The following ACSM3 variants were observed in gnomAD, a reference collection of about 807,000 sequenced individuals.
The protein encoded by ACSM3 is acyl-coenzyme A synthetase ACSM3, mitochondrial.
A neutral mutation model predicts 74.1 loss-of-function variants in ACSM3; 61 were observed. The observed-to-expected ratio is 0.82, with a 90% CI of 0.67 to 1.02. The LOEUF is 1.02. ACSM3 is among the 50% of genes least tolerant of loss of function. The pLI, the probability that ACSM3 is intolerant of heterozygous loss-of-function variation, is 0.00. For synonymous variants in ACSM3, 213 were observed against 241.5 expected (o/e 0.88, Z 1.09); for missense variants, 660 against 697.0 (o/e 0.95, Z 0.60).
intron 1 of ACSM3, among the ~76,000 whole-genome samples, chr16:20,695,596 A>G (rs2079685384): frequency 6.6e-6 from 1 of 152,026 alleles, no homozygotes. Flanking sequence ...TTATCTATCT[A>G]TCATCTATTT....
At chr16:20,741,611 T>C (rs1222340806) in intron 1 of ACSM3, 4 of 1,573,264 alleles carry the variant, frequency 2.5e-6, no homozygotes, top group South Asian at 2.3e-5. Flanking sequence ...GGATGCCCTG[T>C]AGCCCGGGCT....
At chr16:20,780,672 T>C in intron 4 of ACSM3, 42 bp from the exon 5 acceptor site, 1 of 1,614,208 alleles carries the variant, frequency 6.2e-7, no homozygotes, top group Non-Finnish European at 8.5e-7. Flanking sequence ...CAGTCTGTGA[T>C]GCTGTGTTTA....
intron 2 of ACSM3, among the ~76,000 whole-genome samples, chr16:20,774,952 A>G (rs1303020082): frequency 6.6e-6 from 1 of 152,208 alleles, no homozygotes; most frequent in Non-Finnish European, 1.5e-5. Context: ...TGTTCATGGC[A>G]GCAGGCTCAG....
chr16:20,741,791 T>C, intron 1 of ACSM3: 2 of 1,547,530 alleles, frequency 1.3e-6, no homozygotes, highest in Non-Finnish European at 1.7e-6. Context: ...GCTGTTGGCG[T>C]CCTCGTCTAT....
intron 1 of ACSM3, chr16:20,718,435 C>A: frequency 1.6e-6 from 1 of 630,564 alleles, no homozygotes. Context: ...GACAGGCTCT[C>A]CTAAGATGGC....
chr16:20,725,109 T>C (rs2079800151), intron 1 of ACSM3, among the ~76,000 whole-genome samples: 1 of 152,172 alleles, frequency 6.6e-6, no homozygotes, highest in Non-Finnish European at 1.5e-5. Flanking sequence ...GCTGCAGGCA[T>C]CACGCTACCT....
At chr16:20,743,958 A>C (rs1185647658) in intron 1 of ACSM3, 1 of 152,250 alleles carries the variant, frequency 6.6e-6, no homozygotes, top group Non-Finnish European at 1.5e-5. Flanking sequence ...TGAAAAACAA[A>C]AACTCAGTTT....
At chr16:20,754,646 C>G (rs1428105246) in intron 2 of ACSM3, among the ~76,000 whole-genome samples, 1 of 152,196 alleles carries the variant, frequency 6.6e-6, no homozygotes, top group Non-Finnish European at 1.5e-5. Flanking sequence ...ATTCATGGAT[C>G]AGTTTGCTCA....
At chr16:20,719,786 G>C (rs972373111) in intron 1 of ACSM3, among the ~76,000 whole-genome samples, 1 of 152,130 alleles carries the variant, frequency 6.6e-6, no homozygotes, top group African/African-American at 2.4e-5. Flanking sequence ...TTAAAAGTGC[G>C]GGCACCTTTG....
chr16:20,717,238 G>T (rs1428971933), intron 1 of ACSM3, among the ~76,000 whole-genome samples: 1 of 152,138 alleles, frequency 6.6e-6, no homozygotes, highest in Non-Finnish European at 1.5e-5. Flanking sequence ...TCAGAACAAA[G>T]AAATATTTCC....
chr16:20,796,283 T>A, intron 12 of ACSM3, 87 bp from the exon 13 acceptor site: 6 of 1,545,336 alleles, frequency 3.9e-6, no homozygotes, highest in Non-Finnish European at 5.2e-6. Context: ...CCACCAGGCA[T>A]GTAGATTCTC....
chr16:20,754,589 G>A (rs570866342), intron 2 of ACSM3, among the ~76,000 whole-genome samples: 1 of 152,222 alleles, frequency 6.6e-6, no homozygotes, highest in Non-Finnish European at 1.5e-5. Flanking sequence ...CCCTCCCTTT[G>A]TGCCCTGCAA....
intron 1 of ACSM3, among the ~76,000 whole-genome samples, chr16:20,747,447 T>A (rs1225851439): frequency 2.6e-5 from 4 of 152,184 alleles, no homozygotes; most frequent in African/African-American, 9.7e-5. Flanking sequence ...ACCATCAAAC[T>A]GGCCAACCCC....
intron 1 of ACSM3, chr16:20,741,740 G>A: frequency 1.3e-6 from 2 of 1,566,842 alleles, no homozygotes; most frequent in Non-Finnish European, 1.7e-6. Context: ...GGGCCGCCAT[G>A]GTGTGCGCAA....
chr16:20,685,773 T>C (rs1169557798), intron 1 of ACSM3, among the ~76,000 whole-genome samples: 3 of 142,228 alleles, frequency 2.1e-5, no homozygotes, highest in Non-Finnish European at 3.0e-5. Context: ...TGAGCCAAGA[T>C]TGCACCATTG....
intron 1 of ACSM3, chr16:20,698,900 G>A (rs1365746166): frequency 1.3e-5 from 2 of 152,198 alleles, no homozygotes; most frequent in Non-Finnish European, 2.9e-5. Context: ...AGAACTAGAT[G>A]AAATAATTTA....
At chr16:20,699,656 G>A (rs1343907809) in intron 1 of ACSM3, among the ~76,000 whole-genome samples, 1 of 152,130 alleles carries the variant, frequency 6.6e-6, no homozygotes, top group African/African-American at 2.4e-5. Context: ...ATGGAGACGG[G>A]GGAAAAGCCC....
chr16:20,744,623 G>A (rs566131092), intron 1 of ACSM3, among the ~76,000 whole-genome samples: 1 of 152,296 alleles, frequency 6.6e-6, no homozygotes, highest in South Asian at 2.1e-4. Flanking sequence ...GACCTCAAGA[G>A]ATCTGCCCAC....
chr16:20,796,219 T>G (rs2080719936), intron 12 of ACSM3, 151 bp from the exon 13 acceptor site: 1 of 1,331,948 alleles, frequency 7.5e-7, no homozygotes, highest in Admixed American at 2.9e-5. Flanking sequence ...AGGAAGTGGC[T>G]GGCTTAAGAG....
Sources: gnomAD v4.1 joint callset for allele counts (sites outside exome capture counted in the v4.1 genomes callset) on GRCh38, gnomAD v4.1.1 for gene constraint, MANE v1.5 for transcripts, NCBI Gene and HGNC (gene_info 2026-07-23, HGNC 2026-07-21) for gene names.